Variants in BRINP3 observed in about 807,000 individuals in gnomAD.
BRINP3 encodes BMP/retinoic acid-inducible neural-specific protein 3.
BRINP3 carries 19 observed loss-of-function variants against 71.0 expected under a neutral mutation model. The observed-to-expected ratio is 0.27, with a 90% CI of 0.19 to 0.39. The LOEUF (loss-of-function observed/expected upper bound fraction) is 0.39, where lower values mean the gene tolerates loss of function less well. BRINP3 is among the 10% of genes least tolerant of loss of function. The probability of loss-of-function intolerance (pLI) is 1.00; values close to 1 mark genes in which losing one functional copy is unlikely to be tolerated. For missense variants in BRINP3, 959 were observed against 940.8 expected, an observed-to-expected ratio of 1.02 and a Z score of -0.25; for synonymous variants, 380 against 337.7, an observed-to-expected ratio of 1.13 and a Z score of -1.37.
intron 1 of BRINP3, among the ~76,000 whole-genome samples, chr1:190,471,795 A>C (rs1258893435): frequency 6.6e-6 from 1 of 151,522 alleles, no homozygotes; most frequent in Non-Finnish European, 1.5e-5. Flanking sequence ...AAACCAATCA[A>C]AAGCAACTAT....
chr1:190,410,522 A>G (rs1465040618), intron 2 of BRINP3, among the ~76,000 whole-genome samples: 1 of 152,122 alleles, frequency 6.6e-6, no homozygotes, highest in African/African-American at 2.4e-5. Flanking sequence ...GTATAGACAC[A>G]ACGAGGTAAT....
intron 2 of BRINP3, among the ~76,000 whole-genome samples, chr1:190,313,293 G>T: frequency 1.3e-5 from 2 of 151,564 alleles, no homozygotes; most frequent in Non-Finnish European, 1.5e-5. Flanking sequence ...CCTTTTTTTT[G>T]ATGCATGTAT....
intron 1 of BRINP3, among the ~76,000 whole-genome samples, chr1:190,456,328 A>C (rs1205426506): frequency 6.6e-6 from 1 of 152,208 alleles, no homozygotes; most frequent in Non-Finnish European, 1.5e-5. Context: ...ATACTGTATG[A>C]GTTGCCTCAA....
intron 2 of BRINP3, among the ~76,000 whole-genome samples, chr1:190,402,501 A>C (rs561340315): frequency 2.0e-5 from 3 of 152,258 alleles, no homozygotes; most frequent in Admixed American, 6.5e-5. Flanking sequence ...ATCTCTTACA[A>C]GGTATCTTCA....
At chr1:190,248,892 A>G (rs1180494039) in intron 4 of BRINP3, among the ~76,000 whole-genome samples, 1 of 151,750 alleles carries the variant, frequency 6.6e-6, no homozygotes, top group Non-Finnish European at 1.5e-5. Flanking sequence ...ACAATTCTCC[A>G]TTAAATAATA....
chr1:190,300,939 C>A (rs1022078532), intron 2 of BRINP3, among the ~76,000 whole-genome samples: 10 of 151,664 alleles, frequency 6.6e-5, no homozygotes, highest in Admixed American at 6.6e-4. Flanking sequence ...ATGACTTTGA[C>A]GAGCTGAGAG....
At chr1:190,365,578 G>A (rs545018813) in intron 2 of BRINP3, among the ~76,000 whole-genome samples, 3 of 144,962 alleles carry the variant, frequency 2.1e-5, no homozygotes, top group African/African-American at 7.6e-5. Context: ...GTTTTGTTAT[G>A]ATATTAATTT....
chr1:190,391,556 G>A (rs1571932439), intron 2 of BRINP3, among the ~76,000 whole-genome samples: 1 of 151,622 alleles, frequency 6.6e-6, no homozygotes, highest in South Asian at 2.1e-4. Context: ...TATAGAACAA[G>A]ATTTTACAAT....
At chr1:190,318,345 T>C (rs980092650) in intron 2 of BRINP3, among the ~76,000 whole-genome samples, 1 of 152,164 alleles carries the variant, frequency 6.6e-6, no homozygotes, top group African/African-American at 2.4e-5. Context: ...TTTATTTCTA[T>C]AAAGAACTTA....
intron 1 of BRINP3, among the ~76,000 whole-genome samples, chr1:190,471,401 T>C (rs1403052026): frequency 6.6e-6 from 1 of 151,266 alleles, no homozygotes; most frequent in East Asian, 1.9e-4. Flanking sequence ...ATCAATAATA[T>C]TCACATAGAT....
At chr1:190,442,518 AAAG>A (rs2102563985) in intron 2 of BRINP3, among the ~76,000 whole-genome samples, 1 of 152,344 alleles carries the variant, frequency 6.6e-6, no homozygotes, top group South Asian at 2.1e-4. Context: ...TCAAAAGAGA[AAAG>A]AATAGGTAGA....
chr1:190,277,998 T>C (rs546504005), intron 3 of BRINP3, among the ~76,000 whole-genome samples: 4 of 151,920 alleles, frequency 2.6e-5, no homozygotes, highest in African/African-American at 9.6e-5. Context: ...GATAGAATGA[T>C]AATTCAATCA....
At chr1:190,433,128 T>C (rs981145401) in intron 2 of BRINP3, among the ~76,000 whole-genome samples, 3 of 152,184 alleles carry the variant, frequency 2.0e-5, no homozygotes, top group Non-Finnish European at 2.9e-5. Flanking sequence ...TTTTTAGTTT[T>C]GTTTTATGGA....
At chr1:190,277,119 T>TATATATATATATATA (rs1401150849) in intron 3 of BRINP3, among the ~76,000 whole-genome samples, 59 of 26,926 alleles carry the variant, frequency 2.2e-3, no homozygotes, top group Non-Finnish European at 4.3e-3. Context: ...ATATATATAT[T>TATATATATATATATA]TATATTCAGA....
At chr1:190,328,163 C>T (rs922068831) in intron 2 of BRINP3, among the ~76,000 whole-genome samples, 13 of 151,992 alleles carry the variant, frequency 8.6e-5, no homozygotes, top group African/African-American at 3.1e-4. Context: ...GAAAAAGAAA[C>T]AAAGTGACCC....
Position 190,167,149 on chromosome 1 carries a change from A to C in BRINP3, c.962-6259T>G, listed in dbSNP as rs544926267. 7.0e-4 allele frequency among the ~76,000 whole-genome samples: 106 copies of C among 152,144 alleles called. 1 individual carries two copies. Among genetic ancestry groups the C allele is most frequent in the African/African-American group, 2.5e-3 (105 of 41,516 alleles). ...TTGGATTTTGGTTGTGTCATCCAAA[A>C]TCCCTGAATTTATCCGATTAAGTGA... On this transcript the variant is annotated intron_variant, in intron 6 of 7. Transcript: ENST00000367462.
At chr1:190,337,070 G>A (rs1421432392) in intron 2 of BRINP3, among the ~76,000 whole-genome samples, 1 of 151,944 alleles carries the variant, frequency 6.6e-6, no homozygotes, top group East Asian at 1.9e-4. Flanking sequence ...AAAGATCCAA[G>A]TGAGAAATCA....
intron 3 of BRINP3, among the ~76,000 whole-genome samples, chr1:190,266,302 C>T (rs1397040228): frequency 6.6e-6 from 1 of 152,092 alleles, no homozygotes; most frequent in Non-Finnish European, 1.5e-5. Context: ...AATGACATAG[C>T]CCAGGTGACA....
At chr1:190,309,968 T>C (rs929230294) in intron 2 of BRINP3, among the ~76,000 whole-genome samples, 1 of 151,768 alleles carries the variant, frequency 6.6e-6, no homozygotes. Flanking sequence ...CCAGATTTCA[T>C]AGAGATCCCT....
Sources: allele counts gnomAD v4.1 joint callset (sites outside exome capture counted in the v4.1 genomes callset), GRCh38; gene constraint gnomAD v4.1.1; transcripts MANE v1.5; gene names NCBI Gene and HGNC (gene_info 2026-07-23, HGNC 2026-07-21).